Variants in SOX5 observed in about 807,000 individuals in gnomAD.
SOX5 encodes SRY-box transcription factor 5, also known as transcription factor SOX-5.
A neutral mutation model predicts 92.0 loss-of-function variants in SOX5; 9 were observed. The ratio of observed to expected loss-of-function variants is 0.10; its 90% CI spans 0.06 to 0.17. The LOEUF is 0.17. Ranked by LOEUF, SOX5 falls within the 10% of genes least tolerant of loss-of-function variation. The pLI is 1.00. For missense variants in SOX5, 642 were observed against 944.5 expected, an observed-to-expected ratio of 0.68 and a Z score of 4.20; for synonymous variants, 344 against 336.3, an observed-to-expected ratio of 1.02 and a Z score of -0.25.
intron 4 of SOX5, among the ~76,000 whole-genome samples, chr12:24,071,438 T>A (rs1941757764): frequency 6.6e-6 from 1 of 152,146 alleles, no homozygotes; most frequent in African/African-American, 2.4e-5. Context: ...TTTTTATTTT[T>A]ATTATTTTAT....
At chr12:24,139,849 C>T (rs1282954724) in intron 4 of SOX5, among the ~76,000 whole-genome samples, 1 of 152,118 alleles carries the variant, frequency 6.6e-6, no homozygotes, top group African/African-American at 2.4e-5. Context: ...GTGGAGCACA[C>T]CAGTGCATTA....
At chr12:23,881,916 A>G (rs534773489) in intron 2 of SOX5, among the ~76,000 whole-genome samples, 1 of 152,354 alleles carries the variant, frequency 6.6e-6, no homozygotes, top group African/African-American at 2.4e-5. Context: ...AAATAATTAA[A>G]GAATCACTGA....
At chr12:24,224,803 AGT>A (rs1343393834) in intron 3 of SOX5, among the ~76,000 whole-genome samples, 9 of 152,218 alleles carry the variant, frequency 5.9e-5, no homozygotes, top group African/African-American at 2.2e-4. Flanking sequence ...AGCACTGATA[AGT>A]GCAATGGTAT....
intron 4 of SOX5, among the ~76,000 whole-genome samples, chr12:24,114,148 G>A (rs1947701523): frequency 6.6e-6 from 1 of 152,060 alleles, no homozygotes; most frequent in African/African-American, 2.4e-5. Context: ...GTTTATATGG[G>A]CAATCAAGAA....
intron 2 of SOX5, among the ~76,000 whole-genome samples, chr12:24,322,000 T>G (rs1313920403): frequency 6.6e-6 from 1 of 152,152 alleles, no homozygotes; most frequent in Non-Finnish European, 1.5e-5. Context: ...CTATAAATGC[T>G]GGAAGAACAA....
intron 1 of SOX5, among the ~76,000 whole-genome samples, chr12:24,480,210 T>C (rs1213640704): frequency 6.6e-6 from 1 of 152,178 alleles, no homozygotes; most frequent in East Asian, 1.9e-4. Context: ...GATATCCCTG[T>C]GCAGAAGAAT....
intron 4 of SOX5, among the ~76,000 whole-genome samples, chr12:24,101,621 C>T (rs1478230720): frequency 6.6e-6 from 1 of 152,130 alleles, no homozygotes; most frequent in African/African-American, 2.4e-5. Context: ...GGACACTATA[C>T]ATCAAAATTC....
chr12:24,562,203 C>G (rs1423089476), intron 1 of SOX5: 1 of 152,540 alleles, frequency 6.6e-6, no homozygotes, highest in Non-Finnish European at 1.5e-5. Flanking sequence ...CCGCGGCTCT[C>G]CAGCTGGAGC....
intron 3 of SOX5, among the ~76,000 whole-genome samples, chr12:23,769,528 C>A (rs181988696): frequency 1.4e-4 from 21 of 152,286 alleles, no homozygotes; most frequent in Non-Finnish European, 2.5e-4. Context: ...GCTCTAGGCT[C>A]TCCAGTTGGA....
intron 4 of SOX5, among the ~76,000 whole-genome samples, chr12:24,061,158 A>AAT (rs1183778012): frequency 6.6e-6 from 1 of 152,044 alleles, no homozygotes; most frequent in Non-Finnish European, 1.5e-5. Flanking sequence ...TCCACACAAA[A>AAT]ATTGGGGATC....
intron 3 of SOX5, among the ~76,000 whole-genome samples, chr12:24,252,234 A>T (rs531150393): frequency 1.0e-3 from 154 of 152,354 alleles, no homozygotes; most frequent in African/African-American, 3.5e-3. Flanking sequence ...GTTCTATGGA[A>T]AATTAGGAAC....
At chr12:23,952,307 C>T (rs749739451), upstream of SOX5, among the ~76,000 whole-genome samples, 4 of 152,060 alleles carry the variant, frequency 2.6e-5, no homozygotes, top group South Asian at 4.1e-4. Context: ...TGCTGAGATC[C>T]GTATGGTCCC....
At chr12:24,538,598 A>AACACACACACAC (rs60114784) in intron 1 of SOX5, among the ~76,000 whole-genome samples, 8 of 143,752 alleles carry the variant, frequency 5.6e-5, no homozygotes, top group South Asian at 2.3e-4. Context: ...GCTGGATCTA[A>AACACACACACAC]ACACACACAC....
chr12:24,132,259 T>C (rs1347115693), intron 4 of SOX5, among the ~76,000 whole-genome samples: 1 of 152,114 alleles, frequency 6.6e-6, no homozygotes, highest in Non-Finnish European at 1.5e-5. Flanking sequence ...TTAAGAATGA[T>C]CCTGCTATGT....
intron 4 of SOX5, among the ~76,000 whole-genome samples, chr12:24,095,350 G>A (rs1193591601): frequency 6.6e-6 from 1 of 151,978 alleles, no homozygotes; most frequent in East Asian, 1.9e-4. Flanking sequence ...GTGGCAAATA[G>A]TTGCTTGATT....
At chr12:24,148,830 T>C (rs1374235306) in intron 4 of SOX5, among the ~76,000 whole-genome samples, 2 of 151,624 alleles carry the variant, frequency 1.3e-5, no homozygotes, top group South Asian at 2.1e-4. Context: ...TTTGAGTTTA[T>C]AGTAAGCTAT....
intron 4 of SOX5, among the ~76,000 whole-genome samples, chr12:24,064,371 G>A (rs1321271498): frequency 6.7e-4 from 102 of 152,126 alleles, no homozygotes; most frequent in Non-Finnish European, 1.3e-4. Context: ...GTTCTAAATT[G>A]ACTTTTGAAC....
At chr12:24,104,750 A>C (rs1003351307) in intron 4 of SOX5, among the ~76,000 whole-genome samples, 1 of 152,218 alleles carries the variant, frequency 6.6e-6, no homozygotes, top group African/African-American at 2.4e-5. Flanking sequence ...ATTTTTGCAG[A>C]TAAGCTCATA....
intron 2 of SOX5, among the ~76,000 whole-genome samples, chr12:24,361,239 T>A (rs1433577592): frequency 6.6e-6 from 1 of 152,162 alleles, no homozygotes; most frequent in Non-Finnish European, 1.5e-5. Flanking sequence ...ATCCCATTTC[T>A]TGCTCAGTGA....
Sources: gnomAD v4.1 joint callset for allele counts (sites outside exome capture counted in the v4.1 genomes callset) on GRCh38, gnomAD v4.1.1 for gene constraint, MANE v1.5 for transcripts, NCBI Gene and HGNC (gene_info 2026-07-23, HGNC 2026-07-21) for gene names.